The following QRICH1 variants were observed in gnomAD, a reference collection of about 807,000 sequenced individuals.
The protein encoded by QRICH1 is transcriptional regulator QRICH1.
QRICH1 carries 16 observed loss-of-function variants against 87.1 expected under a neutral mutation model. That is an observed-to-expected ratio of 0.18 (90% confidence interval 0.12 to 0.28). The LOEUF is 0.28. Ranked by LOEUF, QRICH1 falls within the 10% of genes least tolerant of loss-of-function variation. The pLI is 1.00. For synonymous variants in QRICH1, 367 were observed against 368.4 expected (o/e 1.00, Z 0.05); for missense variants, 647 against 951.7 (o/e 0.68, Z 4.21).
intron 6 of QRICH1, among the ~76,000 whole-genome samples, chr3:49,039,030 A>AAAAT (rs2093293643): frequency 6.6e-6 from 1 of 151,910 alleles, no homozygotes; most frequent in Non-Finnish European, 1.5e-5. Context: ...CCATCTCAAA[A>AAAAT]AAATAAATAA....
chr3:49,031,427 A>C (rs1339828258), intron 9 of QRICH1, among the ~76,000 whole-genome samples: 2 of 152,164 alleles, frequency 1.3e-5, no homozygotes, highest in African/African-American at 4.8e-5. Flanking sequence ...TCATCCATCC[A>C]TTCAAGATTT....
intron 5 of QRICH1, among the ~76,000 whole-genome samples, chr3:49,046,135 C>T (rs2093338082): frequency 2.6e-5 from 4 of 151,798 alleles, no homozygotes; most frequent in Non-Finnish European, 5.9e-5. Flanking sequence ...GGCTGGTCGT[C>T]TTCAACTCCT....
intron 6 of QRICH1, among the ~76,000 whole-genome samples, chr3:49,043,118 G>A (rs1262726806): frequency 1.3e-5 from 2 of 152,142 alleles, no homozygotes; most frequent in East Asian, 1.9e-4. Context: ...GAAACTGTGT[G>A]TGAGGGTATA....
Position 49,032,619 on chromosome 3 carries a change from T to C in QRICH1, c.2047+3A>G, listed in dbSNP as rs776285609. The C allele has an allele frequency of 6.4e-7, 1 of 1,567,468 alleles. No homozygotes were observed. Among genetic ancestry groups the C allele is most frequent in the Non-Finnish European group, 8.6e-7 (1 of 1,156,328 alleles). ...TTTTGCCATCCCTGCCTCCTTTCCC[T>C]ACCTTTCTGGCCAGTCTGGTGTATT... On this transcript the variant is annotated splice_donor_region_variant and intron_variant, in intron 8 of 9. Coordinates refer to ENST00000395443, the MANE Select transcript of QRICH1 (RefSeq NM_198880.3).
At chr3:49,089,414 G>A (rs1374746913) in intron 1 of QRICH1, among the ~76,000 whole-genome samples, 2 of 152,006 alleles carry the variant, frequency 1.3e-5, no homozygotes, top group African/African-American at 2.4e-5. Flanking sequence ...AAATATTGAC[G>A]GATTGTAAAC....
At chr3:49,041,694 G>A (rs1440512436) in intron 6 of QRICH1, among the ~76,000 whole-genome samples, 2 of 151,768 alleles carry the variant, frequency 1.3e-5, no homozygotes, top group African/African-American at 2.4e-5. Flanking sequence ...GGAGTGGCGT[G>A]GTCTCAGCTC....
chr3:49,087,728 G>A lies in QRICH1; in HGVS notation c.-22+6184C>T, dbSNP rs189821658. ...ATCTCTACTAAAAATACAAAAATTA[G>A]CCAGGCGGGGTACCATGCGCCTGTA... On this transcript the variant is annotated intron_variant, in intron 1 of 9. Coordinates refer to ENST00000395443, the MANE Select transcript of QRICH1 (RefSeq NM_198880.3). Among the ~76,000 whole-genome samples, 529 of 138,324 alleles carry A rather than the reference G, an allele frequency of 3.8e-3. 7 individuals carry two copies. Among genetic ancestry groups the A allele is most frequent in the East Asian group, 0.015 (62 of 4,222 alleles). The allele number at this position is 138,324 out of a possible 152,430, so 90.7% of individuals were successfully genotyped here.
Position 49,081,279 on chromosome 3 carries a change from T to C in QRICH1, c.-21-4241A>G, listed in dbSNP as rs138406888. The stretch of plus-strand genomic sequence containing the variant: ...TAAAAATATAAAAATTAGCCGGGCA[T>C]GATGGCACATTCCTGTAATCCCAGC... On this transcript the variant is annotated intron_variant, in intron 1 of 9. Transcript: ENST00000395443. 7.1e-3 allele frequency among the ~76,000 whole-genome samples: 1,077 copies of C among 152,142 alleles called. 15 individuals carry two copies. The highest frequency in any genetic ancestry group is 0.024 in the African/African-American group (1,008 of 41,514).
chr3:49,080,566 G>A (rs1017719185), intron 1 of QRICH1, among the ~76,000 whole-genome samples: 1 of 151,794 alleles, frequency 6.6e-6, no homozygotes, highest in African/African-American at 2.4e-5. Flanking sequence ...AAAAACCTTC[G>A]TGACTATTGC....
At chr3:49,041,682 G>A (rs772490374) in intron 6 of QRICH1, among the ~76,000 whole-genome samples, 29 of 151,914 alleles carry the variant, frequency 1.9e-4, no homozygotes, top group Non-Finnish European at 3.7e-4. Flanking sequence ...TCAGGCTGGA[G>A]TGGAGTGGCG....
intron 1 of QRICH1, among the ~76,000 whole-genome samples, chr3:49,080,937 G>C (rs1302198614): frequency 3.1e-5 from 4 of 129,718 alleles, no homozygotes; most frequent in Non-Finnish European, 4.7e-5. Flanking sequence ...TTGCACTCCA[G>C]GCTGGGCAAC....
chr3:49,084,818 G>C (rs1480742656), intron 1 of QRICH1, among the ~76,000 whole-genome samples: 1 of 152,104 alleles, frequency 6.6e-6, no homozygotes, highest in African/African-American at 2.4e-5. Context: ...TGGAACCACA[G>C]AGTAATTAAG....
intron 6 of QRICH1, among the ~76,000 whole-genome samples, chr3:49,035,382 TA>T (rs1301179449): frequency 2.0e-5 from 3 of 152,118 alleles, no homozygotes; most frequent in Non-Finnish European, 4.4e-5. Context: ...TTCCTTTTCT[TA>T]AAAAAATAAT....
At chr3:49,082,007 C>T (rs187021307) in intron 1 of QRICH1, among the ~76,000 whole-genome samples, 19 of 152,226 alleles carry the variant, frequency 1.2e-4, no homozygotes, top group Admixed American at 2.6e-4. Context: ...AGGGTATCAC[C>T]GTGTTGGCTA....
chr3:49,036,700 A>C (rs529444947), intron 6 of QRICH1, among the ~76,000 whole-genome samples: 38 of 152,144 alleles, frequency 2.5e-4, no homozygotes, highest in Non-Finnish European at 3.4e-4. Context: ...AAAAAACAAA[A>C]AAAAAAAACA....
At chr3:49,035,921 A>AC (rs1311874229) in intron 6 of QRICH1, among the ~76,000 whole-genome samples, 45 of 90,056 alleles carry the variant, frequency 5.0e-4, no homozygotes, top group African/African-American at 1.1e-3. Flanking sequence ...CAAAAAAAAA[A>AC]AAAAAAACAA....
intron 1 of QRICH1, among the ~76,000 whole-genome samples, chr3:49,081,485 T>C (rs2042058454): frequency 6.6e-6 from 1 of 152,072 alleles, no homozygotes; most frequent in African/African-American, 2.4e-5. Context: ...GAAATTAAAG[T>C]TCCACACCCC....
intron 1 of QRICH1, among the ~76,000 whole-genome samples, chr3:49,091,800 G>C (rs879368172): frequency 6.6e-6 from 1 of 152,150 alleles, no homozygotes; most frequent in South Asian, 2.1e-4. Flanking sequence ...GGTCGGGCGC[G>C]GTGGCTCACG....
In QRICH1 at chr3:49,057,111, G is replaced by C. The variant is rs1273611881; in HGVS notation, c.1089C>G (p.Gly363=). 6.2e-7 allele frequency: 1 copy of C among 1,614,222 alleles called. No individual in the cohort carries two copies. The change falls in exon 3 of 10, where the codon GGC becomes GGG. Residue 363 remains glycine, a synonymous_variant. Transcript: ENST00000395443. The surrounding 1 kb of genome is among the most constrained non-coding windows in gnomAD (Gnocchi z 5.4). ...GGGAGTTTTTCACTACAGATGTGGTGCCCACCATCTTCTCCTTGTCATCCT... is the reference window on the plus strand; with the variant it reads ...GGGAGTTTTTCACTACAGATGTGGTCCCCACCATCTTCTCCTTGTCATCCT... The part of the protein sequence containing the change: ...KLEDDKEKMV[G]TTSVVKNSHE...
Sources: allele counts gnomAD v4.1 joint callset (sites outside exome capture counted in the v4.1 genomes callset), GRCh38; gene constraint gnomAD v4.1.1; non-coding constraint Gnocchi (gnomAD v3.1); transcripts MANE v1.5; gene names NCBI Gene and HGNC (gene_info 2026-07-23, HGNC 2026-07-21).